The following CCDC9 variants were observed in gnomAD, a reference collection of about 807,000 sequenced individuals.
The protein encoded by CCDC9 is coiled-coil domain-containing protein 9.
Under a neutral mutation model 65.6 loss-of-function variants are expected in CCDC9, and 52 were observed. The observed-to-expected ratio is 0.79, with a 90% CI of 0.63 to 1.00. The LOEUF (loss-of-function observed/expected upper bound fraction) is 1.00. Among genes scored for constraint, CCDC9 ranks in the 50% least tolerant of loss-of-function variants. CCDC9 has a pLI of 0.00. For synonymous variants in CCDC9, 332 were observed against 280.3 expected, an observed-to-expected ratio of 1.18 and a Z score of -1.84; for missense variants, 834 against 757.2, an observed-to-expected ratio of 1.10 and a Z score of -1.19.
At chr19:47,260,479 G>A (rs1859554552) in intron 4 of CCDC9, 57 bp downstream of exon 4, 1 of 1,606,144 alleles carries the variant, frequency 6.2e-7, no homozygotes, top group African/African-American at 1.3e-5. Flanking sequence ...GAGGGTTGAG[G>A]CCTGGGACCC....
intron 3 of CCDC9, 130 bp from the exon 4 acceptor site, chr19:47,260,191 C>G (rs1174697241): frequency 1.1e-5 from 7 of 648,356 alleles, no homozygotes; most frequent in African/African-American, 1.8e-5. Flanking sequence ...GGGATATGAG[C>G]GGCCTTCTTG....
chr19:47,274,904 C>G, downstream of CCDC9: 3 of 1,266,482 alleles, frequency 2.4e-6, no homozygotes, highest in Middle Eastern at 3.1e-4. Flanking sequence ...GGCGCGGAGC[C>G]GAGTGGGCTG....
chr19:47,271,315 CGAG>C lies in CCDC9; in HGVS notation c.1235_1237del (p.Glu412del), dbSNP rs749011571. Reference sequence around the variant, plus strand: ...CTCCTGCCCACCGGCCTCCTGAAGACGAGGGGGAAGAGAATGAGGGGGAAGAGG... The same window carrying C: ...CTCCTGCCCACCGGCCTCCTGAAGACGGGGAAGAGAATGAGGGGGAAGAGG... On this transcript the variant is annotated inframe_deletion, in exon 12 of 12. Transcript: ENST00000221922. 2.4e-5 allele frequency: 38 copies of C among 1,610,896 alleles called. No individual in the cohort carries two copies. In the African/African-American group the frequency reaches 4.2e-4, roughly 18 times the overall value.
In CCDC9 at chr19:47,271,871, A is replaced by C. The variant is rs368411859; in HGVS notation, c.*193A>C. 2 of 1,360,252 alleles carry C rather than the reference A, an allele frequency of 1.5e-6. No homozygotes were observed. The highest frequency in any genetic ancestry group is 1.9e-6 in the Non-Finnish European group (2 of 1,059,286). 84.3% of individuals were successfully genotyped at this position (1,360,252 alleles called of 1,614,324 possible). A position where few individuals can be genotyped will look rare whatever the true frequency, so the allele number is the denominator to read the frequency against. ...GCAGCCCATGCTCTTCTGTACTGTC[A>C]TGCCCGTCTCTGGAATGTCCACTCC... is the stretch of plus-strand genomic sequence containing the variant. On this transcript the variant is annotated 3_prime_UTR_variant, in exon 12 of 12. Coordinates refer to ENST00000221922, the MANE Select transcript of CCDC9 (RefSeq NM_015603.3).
intron 2 of CCDC9, 44 bp downstream of exon 2, chr19:47,258,447 A>T (rs753790393): frequency 1.2e-6 from 2 of 1,613,548 alleles, no homozygotes; most frequent in South Asian, 1.1e-5. Context: ...GTTTTGGGGA[A>T]GGGGGCTTGG....
At position 47,271,187 on chromosome 19, in the gene CCDC9, G is replaced by C; in HGVS notation, c.1191G>C (p.Gln397His). The C allele has an allele frequency of 6.2e-7, 1 of 1,603,498 alleles. No homozygotes were observed. The highest frequency in any genetic ancestry group is 8.5e-7 in the Non-Finnish European group (1 of 1,175,530). The stretch of plus-strand genomic sequence containing the variant: ...CTTCCCCCAAGGAGACACCCATGCA[G>C]GTGAGGCTGGGCTGTGGTTCAGGGC... The part of the protein sequence containing the change: ...PETSPKETPM[Q>H]PPEIPAPAHR... Residue 397 changes from glutamine to histidine, a missense_variant and splice_region_variant, in exon 11 of 12, where the codon CAG becomes CAC. Physicochemically the swap from Gln to His is conservative, Grantham distance 24. Transcript: ENST00000221922.
In CCDC9 at chr19:47,271,737, G is replaced by GT. The variant is rs2059124448; in HGVS notation, c.*59_*60insT. On this transcript the variant is annotated 3_prime_UTR_variant, in exon 12 of 12. Transcript: ENST00000221922. ...TGTGTGTGTGTGTGTGTGTGTGCGCGCGCGCGCGCGCGCGCGCGCGCGCTA... is the reference window on the plus strand; with the variant it reads ...TGTGTGTGTGTGTGTGTGTGTGCGCGTCGCGCGCGCGCGCGCGCGCGCGCTA... The GT allele has an allele frequency of 4.6e-6, 1 of 216,968 alleles. No individual in the cohort carries two copies. Among genetic ancestry groups the GT allele is most frequent in the African/African-American group, 1.1e-4 (1 of 9,290 alleles). 13.4% of individuals were successfully genotyped at this position (216,968 alleles called of 1,614,324 possible).
intron 8 of CCDC9, among the ~76,000 whole-genome samples, chr19:47,267,149 AG>A (rs2123469759): frequency 6.6e-6 from 1 of 152,176 alleles, no homozygotes; most frequent in East Asian, 1.9e-4. Context: ...TATTTTTAGT[AG>A]AGACAGGGTT....
Position 47,260,438 on chromosome 19 carries a change from G to T in CCDC9, c.210+16G>T, listed in dbSNP as rs765547571. The T allele has an allele frequency of 3.4e-5, 54 of 1,609,328 alleles. No individual in the cohort carries two copies. Among genetic ancestry groups the T allele is most frequent in the Non-Finnish European group, 4.5e-5 (53 of 1,177,542 alleles). ...AGTGGAGTCGGTGAGCTCGTCACTG[G>T]GGTGTGGGACCCTGAGGATGGGGAG... On this transcript the variant is annotated intron_variant, in intron 4 of 11. Coordinates refer to ENST00000221922, the MANE Select transcript of CCDC9 (RefSeq NM_015603.3).
rs199542686 is a variant in CCDC9 at position 47,271,500 on chromosome 19, C to A, written c.1418C>A (p.Pro473Gln). ...CAGGCCCACGGAGTCCCCTTCAGTCCGGAGGAGCCCCTGCTGGAGCCCCAG... is the reference window on the plus strand; with the variant it reads ...CAGGCCCACGGAGTCCCCTTCAGTCAGGAGGAGCCCCTGCTGGAGCCCCAG... ...SEQAHGVPFS[P>Q]EEPLLEPQAP... Residue 473 changes from proline to glutamine, a missense_variant, in exon 12 of 12, where the codon CCG becomes CAG. Physicochemically the swap from Pro to Gln is moderately conservative, Grantham distance 76 (BLOSUM62 -1). Transcript: ENST00000221922. The A allele has an allele frequency of 6.2e-7, 1 of 1,613,002 alleles. No homozygotes were observed. Among genetic ancestry groups the A allele is most frequent in the Non-Finnish European group, 8.5e-7 (1 of 1,179,786 alleles).
rs527261409 is a variant in CCDC9 at position 47,264,758 on chromosome 19, C to T, written c.547-15C>T. 1.7e-4 allele frequency: 280 copies of T among 1,605,700 alleles called. 2 individuals carry two copies. The South Asian group carries it at 2.9e-3, about 17-fold the overall frequency. ...GCGGGGAGCCCGCGCCAACCCCCTGCTCTGCTGCCTGCAGGAAGGGGTTCT... is the reference window on the plus strand; with the variant it reads ...GCGGGGAGCCCGCGCCAACCCCCTGTTCTGCTGCCTGCAGGAAGGGGTTCT... On this transcript the variant is annotated splice_polypyrimidine_tract_variant and intron_variant, in intron 6 of 11. Coordinates refer to ENST00000221922, the MANE Select transcript of CCDC9 (RefSeq NM_015603.3).
chr19:47,271,564 C>A lies in CCDC9; in HGVS notation c.1482C>A (p.Ser494Arg). ...GTPSSPFSPP[S>R]GHQPVSDWGE... The stretch of plus-strand genomic sequence containing the variant: ...CTTCCAGCCCTTTCTCACCACCCAG[C>A]GGCCACCAGCCTGTGTCCGATTGGG... Residue 494 changes from serine (S) to arginine (R), a missense_variant, in exon 12 of 12, where the codon AGC (serine) becomes AGA (arginine). Coordinates refer to ENST00000221922, the MANE Select transcript of CCDC9 (RefSeq NM_015603.3). The A allele has an allele frequency of 6.2e-7, 1 of 1,613,222 alleles. No individual in the cohort carries two copies. The highest frequency in any genetic ancestry group is 8.5e-7 in the Non-Finnish European group (1 of 1,179,978).
downstream of CCDC9, chr19:47,274,868 G>A: frequency 8.5e-7 from 1 of 1,182,156 alleles, no homozygotes; most frequent in Non-Finnish European, 1.0e-6. Flanking sequence ...GCGGGGCCTG[G>A]TGGGGGCGGG....
rs2059110960 is a variant in CCDC9 at position 47,270,675 on chromosome 19, C to A, written c.1072C>A (p.Pro358Thr). Residue 358 changes from proline to threonine, a missense_variant, in exon 10 of 12, where the codon CCC becomes ACC. Pro to Thr is a conservative substitution (Grantham distance 38, BLOSUM62 -1). Transcript: ENST00000221922. ...KSSRPQAKAA[P>T]RAYSDHDDRW... Reference sequence around the variant, plus strand: ...CAGTCGGCCCCAGGCCAAGGCAGCGCCCAGGGCCTACAGGTGGGGCACCCC... The same window carrying A: ...CAGTCGGCCCCAGGCCAAGGCAGCGACCAGGGCCTACAGGTGGGGCACCCC... 1.2e-6 allele frequency: 2 copies of A among 1,611,246 alleles called. No individual in the cohort carries two copies. Among genetic ancestry groups the A allele is most frequent in the Non-Finnish European group, 8.5e-7 (1 of 1,179,856 alleles).
At position 47,264,880 on chromosome 19, in the gene CCDC9, G is replaced by T. The variant is rs374702564; in HGVS notation, c.654G>T (p.Arg218=). 24 of 1,477,946 alleles carry T rather than the reference G, an allele frequency of 1.6e-5. No homozygotes were observed. The African/African-American group carries it at 3.4e-4, about 21-fold the overall frequency. The allele number at this position is 1,477,946 out of a possible 1,614,324, so 91.6% of individuals were successfully genotyped here. A position where few individuals can be genotyped will look rare whatever the true frequency, so the allele number is the denominator to read the frequency against. The change falls in exon 7 of 12, where the codon CGG becomes CGT. Residue 218 remains arginine (R), a synonymous_variant. Transcript: ENST00000221922. ...GGGACCGCCGGGAGGAGAGCCGCCG[G>T]CACGGCCGCAACTGGGGGGGCCCCG... The part of the protein sequence containing the change: ...SERDRREESR[R]HGRNWGGPDF...
chr19:47,259,012 A>G (rs531337140), intron 3 of CCDC9, among the ~76,000 whole-genome samples: 1 of 152,296 alleles, frequency 6.6e-6, no homozygotes, highest in South Asian at 2.1e-4. Context: ...CAGGAAATTC[A>G]GGGGTCTGTG....
In CCDC9 at chr19:47,270,546, G is replaced by A; in HGVS notation, c.950-7G>A. 2 of 1,614,136 alleles carry A rather than the reference G, an allele frequency of 1.2e-6. No homozygotes were observed. The highest frequency in any genetic ancestry group is 1.7e-6 in the Non-Finnish European group (2 of 1,180,010). ...CCCTTCCCAATGACACCTGGGTTCT[G>A]TTGCAGATGACCAGGCCTGGGCCCG... On this transcript the variant is annotated splice_region_variant and splice_polypyrimidine_tract_variant and intron_variant, in intron 9 of 11. Transcript: ENST00000221922.
intron 2 of CCDC9, 44 bp downstream of exon 2, chr19:47,258,447 AG>A: frequency 5.6e-6 from 9 of 1,613,548 alleles, no homozygotes; most frequent in Non-Finnish European, 7.6e-6. Context: ...GTTTTGGGGA[AG>A]GGGGCTTGGG....
In CCDC9 at chr19:47,271,452, C is replaced by G; in HGVS notation, c.1370C>G (p.Pro457Arg). The G allele has an allele frequency of 6.2e-7, 1 of 1,613,852 alleles. No individual in the cohort carries two copies. Among genetic ancestry groups the G allele is most frequent in the Non-Finnish European group, 8.5e-7 (1 of 1,179,966 alleles). The change falls in exon 12 of 12, where the codon CCC (proline) becomes CGC (arginine). Residue 457 changes from proline to arginine, a missense_variant. By Grantham distance (103) the Pro-to-Arg change is moderately radical. Coordinates refer to ENST00000221922, the MANE Select transcript of CCDC9 (RefSeq NM_015603.3). ...AQDHQAPEAA[P>R]TGIPCSEQAH... is the part of the protein sequence containing the mutation. Reference sequence around the variant, plus strand: ...GACCACCAAGCCCCAGAGGCTGCCCCCACCGGGATCCCCTGCAGTGAGCAG... The same window carrying G: ...GACCACCAAGCCCCAGAGGCTGCCCGCACCGGGATCCCCTGCAGTGAGCAG...
Sources: gnomAD v4.1 joint callset for allele counts (sites outside exome capture counted in the v4.1 genomes callset) on GRCh38, gnomAD v4.1.1 for gene constraint, MANE v1.5 for transcripts, NCBI Gene and HGNC (gene_info 2026-07-23, HGNC 2026-07-21) for gene names.